CUBN: variants seen among roughly 807,000 people sequenced by gnomAD.
CUBN encodes the protein 460 kDa receptor.
Under a neutral mutation model 405.3 loss-of-function variants are expected in CUBN, and 282 were observed. The ratio of observed to expected loss-of-function variants is 0.70; its 90% CI spans 0.63 to 0.77. The LOEUF (loss-of-function observed/expected upper bound fraction) is 0.77. CUBN is among the 30% of genes least tolerant of loss of function. The probability of loss-of-function intolerance (pLI) is 0.00; values close to 1 mark genes in which losing one functional copy is unlikely to be tolerated. For missense variants in CUBN, 4,514 were observed against 4,475.2 expected (o/e 1.01, Z -0.25); for synonymous variants, 1,684 against 1,617.0 (o/e 1.04, Z -0.99).
At chr10:16,944,549 G>T (rs1057363773) in intron 36 of CUBN, among the ~76,000 whole-genome samples, 4 of 152,110 alleles carry the variant, frequency 2.6e-5, no homozygotes, top group African/African-American at 9.7e-5. Flanking sequence ...GCATCCATCT[G>T]GATAGAATTT....
At position 16,847,971 on chromosome 10, in the gene CUBN, A is replaced by C. The variant is rs566405786; in HGVS notation, c.9663+3264T>G. 2.6e-5 allele frequency among the ~76,000 whole-genome samples: 4 copies of C among 152,352 alleles called. No homozygotes were observed. The South Asian group carries it at 8.3e-4, about 32-fold the overall frequency. ...TAATAAAGAAAGCTCCAAGCTCCAC[A>C]TTCCAAGGGCTATTCTTTGATCTGC... On this transcript the variant is annotated intron_variant, in intron 60 of 66. Coordinates refer to ENST00000377833, the MANE Select transcript of CUBN (RefSeq NM_001081.4).
At chr10:16,900,991 C>CT (rs1338319771) in intron 52 of CUBN, 141 bp from the exon 53 acceptor site, 129 of 728,884 alleles carry the variant, frequency 1.8e-4, no homozygotes, top group Non-Finnish European at 2.7e-4. Flanking sequence ...TTCCCCTCTA[C>CT]TTTTTTTTCC....
intron 61 of CUBN, 84 bp from the exon 62 acceptor site, chr10:16,840,619 C>T (rs568649513): frequency 1.1e-5 from 13 of 1,165,818 alleles, no homozygotes; most frequent in East Asian, 5.1e-5. Flanking sequence ...TCTTCCCTGC[C>T]TCCCACCCCG....
chr10:16,950,138 C>G (rs766151832), intron 33 of CUBN, 27 bp from the exon 34 acceptor site: 3 of 1,525,350 alleles, frequency 2.0e-6, no homozygotes, highest in Non-Finnish European at 2.7e-6. Context: ...AAGACTCTCT[C>G]GTAAAGTACT....
chr10:16,975,599 C>T (rs981757817), intron 31 of CUBN, among the ~76,000 whole-genome samples: 3 of 149,640 alleles, frequency 2.0e-5, no homozygotes, highest in Non-Finnish European at 4.4e-5. Flanking sequence ...GTCTCTGGCC[C>T]ATTCAAACTT....
At chr10:17,020,120 A>G in intron 27 of CUBN, 137 bp from the exon 28 acceptor site, 1 of 834,324 alleles carries the variant, frequency 1.2e-6, no homozygotes, top group Non-Finnish European at 2.0e-6. Flanking sequence ...TTGAGTACAC[A>G]GAACTCAACA....
intron 22 of CUBN, among the ~76,000 whole-genome samples, chr10:17,062,121 A>G (rs996320198): frequency 6.6e-6 from 1 of 152,204 alleles, no homozygotes; most frequent in Non-Finnish European, 1.5e-5. Context: ...ACTTTGTATG[A>G]TAAACTCTGA....
At chr10:17,069,104 C>T (rs1034276776) in intron 19 of CUBN, among the ~76,000 whole-genome samples, 1 of 152,132 alleles carries the variant, frequency 6.6e-6, no homozygotes, top group Non-Finnish European at 1.5e-5. Flanking sequence ...AGTTCATCCA[C>T]GTTGTAGCAT....
chr10:16,925,838 CT>C, intron 41 of CUBN, 64 bp from the exon 42 acceptor site: 1 of 1,464,436 alleles, frequency 6.8e-7, no homozygotes, highest in Non-Finnish European at 9.5e-7. Context: ...TTTATGCTTT[CT>C]TAGTTTTCTT....
At chr10:17,085,818 C>T in intron 15 of CUBN, 59 bp from the exon 16 acceptor site, 1 of 1,439,246 alleles carries the variant, frequency 6.9e-7, no homozygotes, top group Non-Finnish European at 9.7e-7. Flanking sequence ...CAAACTAGGT[C>T]ACTTTGGATA....
intron 41 of CUBN, 124 bp downstream of exon 41, chr10:16,928,033 A>AC: frequency 9.5e-7 from 1 of 1,055,664 alleles, no homozygotes; most frequent in South Asian, 1.3e-5. Flanking sequence ...CTGGGCAGAG[A>AC]CCCATGTCCT....
chr10:16,912,694 G>A (rs951308976), intron 48 of CUBN, among the ~76,000 whole-genome samples: 2 of 152,200 alleles, frequency 1.3e-5, no homozygotes, highest in Non-Finnish European at 2.9e-5. Context: ...AGCACATTCA[G>A]GGAACGGAAT....
chr10:17,104,929 C>T (rs1395532783), intron 11 of CUBN, among the ~76,000 whole-genome samples: 1 of 151,316 alleles, frequency 6.6e-6, no homozygotes, highest in Non-Finnish European at 1.5e-5. Context: ...CGGTCTCAGC[C>T]TCCTGAGTAG....
At chr10:17,102,488 T>C (rs1836516518) in intron 13 of CUBN, among the ~76,000 whole-genome samples, 4 of 151,124 alleles carry the variant, frequency 2.6e-5, no homozygotes, top group Admixed American at 6.6e-5. Context: ...ATTTTCACCA[T>C]GTTGGCCAGG....
At chr10:17,072,361 C>T (rs1182615858) in intron 17 of CUBN, among the ~76,000 whole-genome samples, 1 of 151,438 alleles carries the variant, frequency 6.6e-6, no homozygotes, top group Non-Finnish European at 1.5e-5. Context: ...CTACTTTTGC[C>T]ATTGAAAGAA....
At chr10:17,049,322 G>A (rs1221994450) in intron 22 of CUBN, among the ~76,000 whole-genome samples, 1 of 152,194 alleles carries the variant, frequency 6.6e-6, no homozygotes, top group Non-Finnish European at 1.5e-5. Flanking sequence ...CACACACAGA[G>A]AGCTTTGGCC....
At chr10:17,003,559 T>A (rs1165552305) in intron 28 of CUBN, among the ~76,000 whole-genome samples, 1 of 152,202 alleles carries the variant, frequency 6.6e-6, no homozygotes, top group Non-Finnish European at 1.5e-5. Context: ...AAGTTTTTTG[T>A]TCAATAACAA....
chr10:16,850,410 ATAATT>A (rs1839651550), intron 60 of CUBN, among the ~76,000 whole-genome samples: 1 of 152,228 alleles, frequency 6.6e-6, no homozygotes, highest in African/African-American at 2.4e-5. Context: ...GATAGGTATA[ATAATT>A]TAATATTAAA....
intron 28 of CUBN, among the ~76,000 whole-genome samples, chr10:17,014,793 C>A (rs1834283045): frequency 6.6e-6 from 1 of 152,196 alleles, no homozygotes; most frequent in Non-Finnish European, 1.5e-5. Context: ...AGTGCCTGAG[C>A]AAACAGATGA....
Sources: allele counts gnomAD v4.1 joint callset (sites outside exome capture counted in the v4.1 genomes callset), GRCh38; gene constraint gnomAD v4.1.1; transcripts MANE v1.5; gene names NCBI Gene and HGNC (gene_info 2026-07-23, HGNC 2026-07-21).